PDE4D: variants seen among roughly 807,000 people sequenced by gnomAD.
PDE4D encodes the protein phosphodiesterase 4D.
Under a neutral mutation model 87.4 loss-of-function variants are expected in PDE4D, and 24 were observed. The observed-to-expected ratio is 0.27, with a 90% CI of 0.20 to 0.39. PDE4D has a LOEUF of 0.39. Among genes scored for constraint, PDE4D ranks in the 10% least tolerant of loss-of-function variants. The pLI is 1.00. For missense variants in PDE4D, 714 were observed against 1,041.0 expected (o/e 0.69, Z 4.32); for synonymous variants, 384 against 383.2 (o/e 1.00, Z -0.02).
chr5:59,728,391 T>C (rs1756906047), intron 1 of PDE4D, among the ~76,000 whole-genome samples: 1 of 152,148 alleles, frequency 6.6e-6, no homozygotes, highest in African/African-American at 2.4e-5. Context: ...AATCTTTGTA[T>C]GGCATTTCTC....
chr5:59,466,157 G>T (rs932230814), intron 1 of PDE4D, among the ~76,000 whole-genome samples: 1 of 152,110 alleles, frequency 6.6e-6, no homozygotes, highest in Non-Finnish European at 1.5e-5. Context: ...AACTGAACCA[G>T]CATTTTAGTG....
At chr5:59,507,752 A>G (rs1281799273) in intron 1 of PDE4D, among the ~76,000 whole-genome samples, 1 of 152,026 alleles carries the variant, frequency 6.6e-6, no homozygotes, top group Non-Finnish European at 1.5e-5. Flanking sequence ...TAGAGAACAA[A>G]GAACACACTC....
chr5:60,047,867 G>T (rs1050383432), intron 2 of PDE4D, among the ~76,000 whole-genome samples: 18 of 152,166 alleles, frequency 1.2e-4, no homozygotes, highest in African/African-American at 2.2e-4. Context: ...GAGTTCTGTA[G>T]ATGTCTATTA....
At chr5:60,172,348 T>C (rs2149484268) in intron 2 of PDE4D, among the ~76,000 whole-genome samples, 1 of 149,314 alleles carries the variant, frequency 6.7e-6, no homozygotes, top group South Asian at 2.1e-4. Flanking sequence ...GGCAATACAA[T>C]AAACAAAACC....
chr5:59,777,581 G>A (rs1764203036), intron 1 of PDE4D, among the ~76,000 whole-genome samples: 1 of 152,140 alleles, frequency 6.6e-6, no homozygotes, highest in African/African-American at 2.4e-5. Context: ...AATTTCCAAA[G>A]CTCCCATGGG....
At chr5:59,409,246 T>C (rs1000145518) in intron 1 of PDE4D, among the ~76,000 whole-genome samples, 1 of 152,086 alleles carries the variant, frequency 6.6e-6, no homozygotes, top group African/African-American at 2.4e-5. Context: ...TACAGGCTCA[T>C]AAGTGGGAGG....
intron 1 of PDE4D, chr5:59,586,470 T>G: frequency 6.9e-7 from 1 of 1,445,884 alleles, no homozygotes; most frequent in East Asian, 2.5e-5. Context: ...TTTGAGCAGC[T>G]ATCGTGGGCA....
At chr5:59,332,337 C>A (rs984228952) in intron 1 of PDE4D, among the ~76,000 whole-genome samples, 5 of 152,010 alleles carry the variant, frequency 3.3e-5, no homozygotes, top group Non-Finnish European at 7.4e-5. Context: ...TTTTTAAAAA[C>A]TGAGAGAAAC....
intron 1 of PDE4D, among the ~76,000 whole-genome samples, chr5:60,516,684 A>G (rs1750815336): frequency 6.6e-6 from 1 of 152,246 alleles, no homozygotes; most frequent in Non-Finnish European, 1.5e-5. Flanking sequence ...AATGAGAATT[A>G]ATATTTATTG....
At chr5:59,896,885 T>C (rs557523052), upstream of PDE4D, among the ~76,000 whole-genome samples, 15 of 152,328 alleles carry the variant, frequency 9.8e-5, no homozygotes, top group South Asian at 2.9e-3. Flanking sequence ...TTAATCTAGG[T>C]ATTTCCTACT....
intron 1 of PDE4D, among the ~76,000 whole-genome samples, chr5:60,446,715 A>C (rs978464453): frequency 2.6e-5 from 4 of 152,158 alleles, no homozygotes; most frequent in African/African-American, 9.7e-5. Context: ...TGTGTTAATA[A>C]GAGAATTCAG....
chr5:59,392,242 C>T (rs933222807), intron 1 of PDE4D, among the ~76,000 whole-genome samples: 3 of 151,662 alleles, frequency 2.0e-5, no homozygotes, highest in Non-Finnish European at 4.4e-5. Flanking sequence ...TCTGGGTGGG[C>T]ACAATCTAAT....
At chr5:59,179,051 G>T (rs1363672935) in intron 5 of PDE4D, among the ~76,000 whole-genome samples, 5 of 152,146 alleles carry the variant, frequency 3.3e-5, no homozygotes, top group African/African-American at 9.7e-5. Flanking sequence ...TTTGGCAGAA[G>T]AAATCAGTTA....
chr5:60,416,916 T>C (rs969916859), intron 1 of PDE4D, among the ~76,000 whole-genome samples: 2 of 152,176 alleles, frequency 1.3e-5, no homozygotes, highest in Non-Finnish European at 2.9e-5. Context: ...TATAAAGCCA[T>C]TGAGATGTAG....
intron 1 of PDE4D, among the ~76,000 whole-genome samples, chr5:59,237,435 C>A (rs1193410402): frequency 2.0e-5 from 3 of 152,028 alleles, no homozygotes; most frequent in African/African-American, 4.8e-5. Context: ...TTTTTGTCAA[C>A]CCATTTTATT....
At chr5:59,107,358 A>T (rs917430786) in intron 5 of PDE4D, among the ~76,000 whole-genome samples, 1 of 152,024 alleles carries the variant, frequency 6.6e-6, no homozygotes, top group Non-Finnish European at 1.5e-5. Flanking sequence ...ACAGGCATTC[A>T]CCACCATGTC....
intron 1 of PDE4D, among the ~76,000 whole-genome samples, chr5:60,300,397 A>G (rs993737722): frequency 2.6e-5 from 4 of 151,808 alleles, no homozygotes; most frequent in Non-Finnish European, 2.9e-5. Flanking sequence ...GGGGCTCTTT[A>G]GTTTAATTAG....
At chr5:59,389,503 T>C (rs1011693780) in intron 1 of PDE4D, among the ~76,000 whole-genome samples, 2 of 152,054 alleles carry the variant, frequency 1.3e-5, no homozygotes, top group Non-Finnish European at 2.9e-5. Context: ...ACGATGGGAA[T>C]GTATATTAGT....
chr5:59,317,789 A>T (rs996052476), intron 1 of PDE4D, among the ~76,000 whole-genome samples: 1 of 152,148 alleles, frequency 6.6e-6, no homozygotes, highest in African/African-American at 2.4e-5. Context: ...TTTTCCACGC[A>T]GTTCCCTTGA....
Sources: allele counts gnomAD v4.1 joint callset (sites outside exome capture counted in the v4.1 genomes callset), GRCh38; gene constraint gnomAD v4.1.1; transcripts MANE v1.5; gene names NCBI Gene and HGNC (gene_info 2026-07-23, HGNC 2026-07-21).